The following DSTYK variants were observed in gnomAD, a reference collection of about 807,000 sequenced individuals.
DSTYK encodes the protein RIP-homologous kinase.
DSTYK carries 34 observed loss-of-function variants against 98.7 expected under a neutral mutation model. That is an observed-to-expected ratio of 0.34 (90% CI 0.26 to 0.46). The LOEUF is 0.46. Ranked by LOEUF, DSTYK falls within the 20% of genes least tolerant of loss-of-function variation. DSTYK has a pLI of 1.00. For missense variants in DSTYK, 962 were observed against 1,181.7 expected, an observed-to-expected ratio of 0.81 and a Z score of 2.73; for synonymous variants, 462 against 457.3, an observed-to-expected ratio of 1.01 and a Z score of -0.13.
chr1:205,156,743 T>C (rs1205782487), intron 10 of DSTYK, among the ~76,000 whole-genome samples: 1 of 152,106 alleles, frequency 6.6e-6, no homozygotes, highest in Admixed American at 6.6e-5. Flanking sequence ...GAAGGCATGA[T>C]TGTGTTTTGA....
intron 1 of DSTYK, among the ~76,000 whole-genome samples, chr1:205,206,001 T>C (rs1028440721): frequency 1.3e-5 from 2 of 152,248 alleles, no homozygotes; most frequent in African/African-American, 4.8e-5. Flanking sequence ...AGATTATACC[T>C]TTCTAGAGGA....
chr1:205,164,611 G>A lies in DSTYK; in HGVS notation c.1325-656C>T, dbSNP rs370996597. On this transcript the variant is annotated intron_variant, in intron 3 of 12. Transcript: ENST00000367162. ...CGAGTAGCTGCGACTACAGGCACCC[G>A]CCACCACGCCTGGCTGATTTTTTGT... Among the ~76,000 whole-genome samples the A allele has an allele frequency of 1.9e-3, 295 of 151,934 alleles. 1 individual carries two copies. The highest frequency in any genetic ancestry group is 6.5e-3 in the African/African-American group (268 of 41,440).
At position 205,144,053 on chromosome 1, in the gene DSTYK, C is replaced by G. The variant is rs1020152311; in HGVS notation, c.*3505G>C. 1 of 152,590 alleles carries G rather than the reference C, an allele frequency of 6.6e-6. No homozygotes were observed. The highest frequency in any genetic ancestry group is 6.6e-5 in the Admixed American group (1 of 15,262). 9.5% of individuals were successfully genotyped at this position (152,590 alleles called of 1,614,324 possible). A position where few individuals can be genotyped will look rare whatever the true frequency, so the allele number is the denominator to read the frequency against. ...GGAACTAAGGTATGCCTGGGGAAAC[C>G]CCACCCAAATGAGCCATGCCAGACA... is the stretch of plus-strand genomic sequence containing the variant. On this transcript the variant is annotated 3_prime_UTR_variant, in exon 13 of 13. Transcript: ENST00000367162.
chr1:205,166,306 A>G (rs4950984), intron 3 of DSTYK, among the ~76,000 whole-genome samples: 37,597 of 151,938 alleles, frequency 0.25, 4,851 homozygotes, highest in East Asian at 0.4. Context: ...TGTGAATATC[A>G]TGATACCTAG....
At chr1:205,164,652 G>A (rs534300381) in intron 3 of DSTYK, among the ~76,000 whole-genome samples, 7 of 152,098 alleles carry the variant, frequency 4.6e-5, no homozygotes, top group East Asian at 1.9e-4. Flanking sequence ...TAGTAGAGAC[G>A]GGGTTTCCCC....
chr1:205,163,462 G>A (rs1472366336), intron 4 of DSTYK, among the ~76,000 whole-genome samples: 5 of 152,000 alleles, frequency 3.3e-5, no homozygotes, highest in Non-Finnish European at 7.4e-5. Flanking sequence ...CAGGTTATCC[G>A]CCCACCTCAG....
chr1:205,152,403 C>T, intron 10 of DSTYK, among the ~76,000 whole-genome samples: 1 of 152,166 alleles, frequency 6.6e-6, no homozygotes, highest in Non-Finnish European at 1.5e-5. Flanking sequence ...TCTCGAACTC[C>T]CAACCTCAGG....
intron 1 of DSTYK, among the ~76,000 whole-genome samples, chr1:205,209,084 A>G (rs1358611868): frequency 2.0e-5 from 3 of 152,232 alleles, no homozygotes; most frequent in African/African-American, 7.2e-5. Flanking sequence ...GTCAACTGGA[A>G]AAGCCAATGA....
chr1:205,183,778 CT>C lies in DSTYK; in HGVS notation c.654+3639del, dbSNP rs527817449. ...GCCCCCAGCAGTAAGCTGAGCATTG[CT>C]GATGTATCTAACAGAGACAGGAGCT... On this transcript the variant is annotated intron_variant, in intron 2 of 12. Transcript: ENST00000367162. Among the ~76,000 whole-genome samples, 149 of 152,280 alleles carry C rather than the reference CT, an allele frequency of 9.8e-4. 2 individuals are homozygous for C. Among genetic ancestry groups the C allele is most frequent in the African/African-American group, 3.4e-3 (141 of 41,556 alleles).
chr1:205,148,076 C>T, intron 12 of DSTYK, 129 bp downstream of exon 12: 3 of 1,105,510 alleles, frequency 2.7e-6, no homozygotes, highest in South Asian at 1.6e-5. Flanking sequence ...GGATTCATGA[C>T]AGTTTAAACG....
rs766036213 is a variant in DSTYK at position 205,207,755 on chromosome 1, C to CA, written c.265+3515dup. ...TGGGCAATACAGAGAGACTCTGTCT[C>CA]AAAAAAAAAAAAAAAAAAAAAAAAA... On this transcript the variant is annotated intron_variant, in intron 1 of 12. Coordinates refer to ENST00000367162, the MANE Select transcript of DSTYK (RefSeq NM_015375.3). Among the ~76,000 whole-genome samples the CA allele has an allele frequency of 7.8e-4, 41 of 52,724 alleles. 4 individuals carry two copies. Among genetic ancestry groups the CA allele is most frequent in the Non-Finnish European group, 1.1e-3 (35 of 32,204 alleles). The allele number at this position is 52,724 out of a possible 152,430, so 34.6% of individuals were successfully genotyped here. A position where few individuals can be genotyped will look rare whatever the true frequency, so the allele number is the denominator to read the frequency against.
chr1:205,157,422 G>A, intron 9 of DSTYK, 36 bp from the exon 10 acceptor site: 1 of 1,550,712 alleles, frequency 6.4e-7, no homozygotes, highest in Non-Finnish European at 8.9e-7. Context: ...GTCATGATAA[G>A]GCAACTCCTC....
At position 205,162,086 on chromosome 1, in the gene DSTYK, G is replaced by A. The variant is rs1242711305; in HGVS notation, c.1768C>T (p.Arg590Trp). 3 of 1,614,096 alleles carry A rather than the reference G, an allele frequency of 1.9e-6. No individual in the cohort carries two copies. Among genetic ancestry groups the A allele is most frequent in the East Asian group, 2.2e-5 (1 of 44,876 alleles). ...TCGTGGGAACTATTGAGCCGAGTCCGGAATTGGCTGCAAATGCTCTTAGCC... is the reference window on the plus strand; with the variant it reads ...TCGTGGGAACTATTGAGCCGAGTCCAGAATTGGCTGCAAATGCTCTTAGCC... ...KLAKSICSQF[R>W]TRLNSSHEAF... Residue 590 changes from arginine (R) to tryptophan (W), a missense_variant, in exon 6 of 13, where the codon CGG (arginine) becomes TGG (tryptophan). Transcript: ENST00000367162.
Position 205,160,250 on chromosome 1 carries a change from C to G in DSTYK, c.1969G>C (p.Glu657Gln), listed in dbSNP as rs1460909694. The G allele has an allele frequency of 1.2e-6, 2 of 1,613,984 alleles. No homozygotes were observed. The highest frequency in any genetic ancestry group is 3.3e-5 in the Admixed American group (2 of 60,006). The part of the protein sequence containing the change: ...LLHRKPKLGQ[E>Q]LGRGQYGVVY... The stretch of plus-strand genomic sequence containing the variant: ...ACACCATACTGGCCCCGGCCCAGTT[C>G]CTGTCCCAGTTTAGGTTTACCTATA... The change falls in exon 8 of 13, where the codon GAA becomes CAA. Residue 657 changes from glutamate (E) to glutamine (Q), a missense_variant. Coordinates refer to ENST00000367162, the MANE Select transcript of DSTYK (RefSeq NM_015375.3).
At chr1:205,194,416 T>C (rs1658801500) in intron 1 of DSTYK, among the ~76,000 whole-genome samples, 1 of 152,200 alleles carries the variant, frequency 6.6e-6, no homozygotes, top group Non-Finnish European at 1.5e-5. Context: ...TTTTGCTTTA[T>C]TATACTCCTG....
Position 205,161,303 on chromosome 1 carries a change from G to A in DSTYK, c.1903C>T (p.Arg635Cys), listed in dbSNP as rs1413164579. Residue 635 changes from arginine to cysteine, a missense_variant, in exon 7 of 13, where the codon CGC (arginine) becomes TGC (cysteine). By Grantham distance (180) the Arg-to-Cys change is radical. Around this residue, in one of 4 missense-constraint regions of DSTYK, gnomAD observed 660 missense variants for 855.0 expected, o/e 0.77. Transcript: ENST00000367162. ...VRKDHAPRLARLSLESCSLQD... is the reference protein window; with the variant it reads ...VRKDHAPRLACLSLESCSLQD... Reference sequence around the variant, plus strand: ...AAAGAACAGCTTTCCAGAGAAAGGCGGGCCAGGCGGGGAGCATGATCTTTC... The same window carrying A: ...AAAGAACAGCTTTCCAGAGAAAGGCAGGCCAGGCGGGGAGCATGATCTTTC... 9 of 1,613,972 alleles carry A rather than the reference G, an allele frequency of 5.6e-6. No homozygotes were observed. The highest frequency in any genetic ancestry group is 3.3e-5 in the South Asian group (3 of 91,076).
intron 2 of DSTYK, among the ~76,000 whole-genome samples, chr1:205,181,333 G>C (rs1288632918): frequency 2.0e-5 from 3 of 152,016 alleles, no homozygotes; most frequent in South Asian, 2.1e-4. Flanking sequence ...TCTAACTAAA[G>C]GTAAGTAATA....
At chr1:205,200,600 A>C (rs1324612654) in intron 1 of DSTYK, among the ~76,000 whole-genome samples, 1 of 152,250 alleles carries the variant, frequency 6.6e-6, no homozygotes, top group Non-Finnish European at 1.5e-5. Flanking sequence ...TGGGAGAGAC[A>C]TGATGAAACA....
At chr1:205,195,604 T>C (rs1481688545) in intron 1 of DSTYK, among the ~76,000 whole-genome samples, 2 of 152,218 alleles carry the variant, frequency 1.3e-5, no homozygotes, top group East Asian at 1.9e-4. Flanking sequence ...GGGATGGTTA[T>C]TGAAGATTAG....
Sources: allele counts gnomAD v4.1 joint callset (sites outside exome capture counted in the v4.1 genomes callset), GRCh38; gene constraint gnomAD v4.1.1; regional missense constraint gnomAD v4.1.1; transcripts MANE v1.5; gene names NCBI Gene and HGNC (gene_info 2026-07-23, HGNC 2026-07-21).